PRKCE: variants seen among roughly 807,000 people sequenced by gnomAD.
The protein encoded by PRKCE is protein kinase C epsilon, also known as protein kinase C epsilon type.
In PRKCE, 16 loss-of-function variants were observed where a neutral mutation model predicts 85.4. That is an observed-to-expected ratio of 0.19 (90% confidence interval 0.13 to 0.28). The LOEUF is 0.28. Among genes scored for constraint, PRKCE ranks in the 10% least tolerant of loss-of-function variants. The pLI, the probability that PRKCE is intolerant of heterozygous loss-of-function variation, is 1.00. For missense variants in PRKCE, 573 were observed against 975.2 expected, an observed-to-expected ratio of 0.59 and a Z score of 5.49; for synonymous variants, 388 against 371.5, an observed-to-expected ratio of 1.04 and a Z score of -0.51.
chr2:46,081,823 C>T (rs2014336), intron 10 of PRKCE, among the ~76,000 whole-genome samples: 48,367 of 152,012 alleles, frequency 0.32, 8,758 homozygotes, highest in African/African-American at 0.48. Context: ...AGGCTGGGCA[C>T]GGTGGCTCAT....
At chr2:45,751,888 G>T (rs1235661057) in intron 1 of PRKCE, among the ~76,000 whole-genome samples, 1 of 134,376 alleles carries the variant, frequency 7.4e-6, no homozygotes, top group African/African-American at 3.0e-5. Context: ...CGGGATCTCG[G>T]CTCACTGCAA....
At chr2:46,012,129 A>C (rs1705734215) in intron 10 of PRKCE, among the ~76,000 whole-genome samples, 1 of 152,108 alleles carries the variant, frequency 6.6e-6, no homozygotes, top group Admixed American at 6.5e-5. Context: ...TCTTTTTTCC[A>C]CTAGAGCATA....
chr2:45,763,184 G>GATCCTCCC (rs1158135646), intron 1 of PRKCE, among the ~76,000 whole-genome samples: 2 of 152,084 alleles, frequency 1.3e-5, no homozygotes, highest in Non-Finnish European at 2.9e-5. Context: ...TTGGTCTCCT[G>GATCCTCCC]ACCTCGTGAT....
At chr2:45,768,343 A>G (rs1573273745) in intron 1 of PRKCE, among the ~76,000 whole-genome samples, 1 of 152,214 alleles carries the variant, frequency 6.6e-6, no homozygotes, top group African/African-American at 2.4e-5. Context: ...ATTAACTCCA[A>G]ATGACATCGT....
At chr2:45,862,227 C>CACACAT (rs1395549720) in intron 2 of PRKCE, among the ~76,000 whole-genome samples, 1 of 143,788 alleles carries the variant, frequency 7.0e-6, no homozygotes, top group Non-Finnish European at 1.5e-5. Flanking sequence ...CACACACACA[C>CACACAT]AGTATTTCAA....
intron 2 of PRKCE, among the ~76,000 whole-genome samples, chr2:45,930,921 C>T (rs914422636): frequency 3.9e-5 from 6 of 152,062 alleles, no homozygotes; most frequent in Non-Finnish European, 7.4e-5. Context: ...GATTGTATGC[C>T]GGGTTTAGGA....
intron 10 of PRKCE, among the ~76,000 whole-genome samples, chr2:46,067,832 C>T (rs1667753298): frequency 1.3e-5 from 2 of 152,198 alleles, no homozygotes; most frequent in South Asian, 4.2e-4. Context: ...ACGCTACAGA[C>T]CAAGAATATA....
chr2:45,688,239 A>G (rs1421961017), intron 1 of PRKCE, among the ~76,000 whole-genome samples: 1 of 152,192 alleles, frequency 6.6e-6, no homozygotes, highest in African/African-American at 2.4e-5. Flanking sequence ...AATATTTTCA[A>G]TTAATTAATG....
intron 10 of PRKCE, among the ~76,000 whole-genome samples, chr2:46,027,895 C>A (rs747666194): frequency 6.6e-6 from 1 of 152,100 alleles, no homozygotes; most frequent in Non-Finnish European, 1.5e-5. Context: ...GCTGGCCCAC[C>A]TTCCACCTAC....
chr2:46,033,720 G>T (rs1429213300), intron 10 of PRKCE, among the ~76,000 whole-genome samples: 1 of 152,204 alleles, frequency 6.6e-6, no homozygotes, highest in Non-Finnish European at 1.5e-5. Context: ...AAAAGTGTAC[G>T]TATGAAATGA....
chr2:45,730,085 G>A (rs1338439859), intron 1 of PRKCE, among the ~76,000 whole-genome samples: 1 of 152,176 alleles, frequency 6.6e-6, no homozygotes, highest in African/African-American at 2.4e-5. Flanking sequence ...CATTAGCAGG[G>A]CAGCACTGAG....
intron 1 of PRKCE, among the ~76,000 whole-genome samples, chr2:45,810,739 A>G (rs1042861321): frequency 5.3e-5 from 8 of 152,168 alleles, no homozygotes; most frequent in African/African-American, 1.9e-4. Flanking sequence ...ATGCACCATC[A>G]TGCTTAGCTA....
chr2:45,831,603 A>G (rs2105400070), intron 1 of PRKCE, among the ~76,000 whole-genome samples: 1 of 152,356 alleles, frequency 6.6e-6, no homozygotes, highest in Non-Finnish European at 1.5e-5. Flanking sequence ...GAGGGGCAAA[A>G]GAGGAGGGAA....
chr2:45,984,777 G>T (rs937590271), intron 6 of PRKCE, 97 bp downstream of exon 6: 5 of 1,501,510 alleles, frequency 3.3e-6, no homozygotes, highest in Non-Finnish European at 4.5e-6. Context: ...TCTGATTCCA[G>T]ATTTGGCCAA....
chr2:45,994,969 T>C (rs569843843), intron 6 of PRKCE, among the ~76,000 whole-genome samples: 1 of 152,294 alleles, frequency 6.6e-6, no homozygotes, highest in South Asian at 2.1e-4. Flanking sequence ...GTTACCTCCT[T>C]GTATTTTGGC....
At chr2:45,881,265 C>T (rs958006307) in intron 2 of PRKCE, among the ~76,000 whole-genome samples, 1 of 152,066 alleles carries the variant, frequency 6.6e-6, no homozygotes, top group Non-Finnish European at 1.5e-5. Flanking sequence ...AGAAGCAGAG[C>T]CATGAAATTA....
intron 6 of PRKCE, among the ~76,000 whole-genome samples, chr2:45,987,252 G>C (rs1312486133): frequency 6.6e-6 from 1 of 152,066 alleles, no homozygotes; most frequent in Non-Finnish European, 1.5e-5. Context: ...GGAAAGAAGG[G>C]GCAGAATTAG....
chr2:45,856,692 C>T (rs1692706512), intron 2 of PRKCE, among the ~76,000 whole-genome samples: 2 of 152,162 alleles, frequency 1.3e-5, no homozygotes, highest in African/African-American at 4.8e-5. Flanking sequence ...GACCAACTTC[C>T]CTCCATCCCC....
intron 10 of PRKCE, among the ~76,000 whole-genome samples, chr2:46,032,716 A>G (rs7573407): frequency 0.68 from 102,997 of 152,202 alleles, 37,053 homozygotes; most frequent in African/African-American, 0.92. Flanking sequence ...GGTCCTAATC[A>G]GGAAGCTGAG....
Sources: allele counts gnomAD v4.1 joint callset (sites outside exome capture counted in the v4.1 genomes callset), GRCh38; gene constraint gnomAD v4.1.1; transcripts MANE v1.5; gene names NCBI Gene and HGNC (gene_info 2026-07-23, HGNC 2026-07-21).